PDZD2: variants seen among roughly 807,000 people sequenced by gnomAD.
The protein encoded by PDZD2 is PDZ domain-containing protein 2.
Under a neutral mutation model 220.7 loss-of-function variants are expected in PDZD2, and 90 were observed. The ratio of observed to expected loss-of-function variants is 0.41; its 90% CI spans 0.34 to 0.49. The LOEUF is 0.49. Ranked by LOEUF, PDZD2 falls within the 20% of genes least tolerant of loss-of-function variation. The pLI is 0.28. For missense variants in PDZD2, 3,174 were observed against 3,608.5 expected (o/e 0.88, Z 3.08); for synonymous variants, 1,375 against 1,450.5 (o/e 0.95, Z 1.18).
At position 31,737,363 on chromosome 5, in the gene PDZD2, G is replaced by A. The variant is rs564226609; in HGVS notation, c.-360-61526G>A. On this transcript the variant is annotated intron_variant, in intron 1 of 24. Transcript: ENST00000438447. ...AATTTGTTGTATTTTTAGTAGAGAT[G>A]GGGTTTCACCGTGTTAGCCAGGATG... Among the ~76,000 whole-genome samples, 11 of 115,744 alleles carry A rather than the reference G, an allele frequency of 9.5e-5. 1 individual carries two copies. The highest frequency in any genetic ancestry group is 9.1e-3 in the Middle Eastern group (2 of 220). 75.9% of individuals were successfully genotyped at this position (115,744 alleles called of 152,430 possible).
Position 31,646,292 on chromosome 5 carries a change from T to C in PDZD2, c.-361+6855T>C, listed in dbSNP as rs1301606338. 6.6e-6 allele frequency among the ~76,000 whole-genome samples: 1 copy of C among 152,118 alleles called. No homozygotes were observed. The highest frequency in any genetic ancestry group is 2.1e-4 in the South Asian group (1 of 4,824). Reference sequence around the variant, plus strand: ...TTGGGGTAGCCATAATATCTTGGGTTGGTGGGTACAAGTTTGAACACCTAG... The same window carrying C: ...TTGGGGTAGCCATAATATCTTGGGTCGGTGGGTACAAGTTTGAACACCTAG... On this transcript the variant is annotated intron_variant, in intron 1 of 24. Coordinates refer to ENST00000438447, the MANE Select transcript of PDZD2 (RefSeq NM_178140.4). The surrounding 1 kb of genome is among the most constrained non-coding windows in gnomAD (Gnocchi z 4.7).
At chr5:31,966,214 G>C (rs1310104568) in intron 2 of PDZD2, among the ~76,000 whole-genome samples, 1 of 152,108 alleles carries the variant, frequency 6.6e-6, no homozygotes, top group Non-Finnish European at 1.5e-5. Flanking sequence ...TTCTACCTTG[G>C]TAGGGTTGTT....
At chr5:31,900,901 G>C (rs1742036899) in intron 2 of PDZD2, among the ~76,000 whole-genome samples, 1 of 152,098 alleles carries the variant, frequency 6.6e-6, no homozygotes, top group South Asian at 2.1e-4. Flanking sequence ...AAAGGATTTT[G>C]CTGATAAATT....
At chr5:31,951,017 G>A (rs1747129064) in intron 2 of PDZD2, among the ~76,000 whole-genome samples, 1 of 152,156 alleles carries the variant, frequency 6.6e-6, no homozygotes, top group Admixed American at 6.6e-5. Flanking sequence ...CCTTCTTGCT[G>A]TACCTGCACA....
At chr5:31,897,632 A>G (rs945872334) in intron 2 of PDZD2, among the ~76,000 whole-genome samples, 2 of 152,314 alleles carry the variant, frequency 1.3e-5, no homozygotes, top group Admixed American at 6.5e-5. Context: ...AAGAAGTAGC[A>G]TGCAGAAAGT....
At chr5:32,001,888 A>G (rs931890503) in intron 5 of PDZD2, among the ~76,000 whole-genome samples, 5 of 152,194 alleles carry the variant, frequency 3.3e-5, no homozygotes, top group African/African-American at 1.2e-4. Context: ...TATGTGACCG[A>G]GGAACTGGTG....
intron 1 of PDZD2, among the ~76,000 whole-genome samples, chr5:31,752,069 G>GTTTTTTTTTTTTTTTTTTTTT (rs1491302993): frequency 1.0e-5 from 1 of 95,858 alleles, no homozygotes; most frequent in Non-Finnish European, 1.9e-5. Flanking sequence ...ATTGTTTTGG[G>GTTTTTTTTTTTTTTTTTTTTT]TTTGTTTTTT....
rs543844783 is a variant in PDZD2 at position 32,083,783 on chromosome 5, TCTC to T, written c.3683-3345_3683-3343del. On this transcript the variant is annotated intron_variant, in intron 19 of 24. Transcript: ENST00000438447. This position sits in a 1 kb window ranked among gnomAD's most constrained non-coding sequence, Gnocchi z 4.1. ...CCTCCGCCTCCCAGGTTCAGGCAGT[TCTC>T]CTGCCTCAGCCTCCCAAGCAGCTGG... Among the ~76,000 whole-genome samples, 242 of 152,090 alleles carry T rather than the reference TCTC, an allele frequency of 1.6e-3. 2 individuals are homozygous for T. The highest frequency in any genetic ancestry group is 5.2e-3 in the African/African-American group (216 of 41,490).
At chr5:32,019,638 C>T (rs550154402) in intron 6 of PDZD2, among the ~76,000 whole-genome samples, 2 of 152,168 alleles carry the variant, frequency 1.3e-5, no homozygotes, top group South Asian at 4.2e-4. Flanking sequence ...GCTTCTCAGC[C>T]TAGAAAGACT....
At chr5:31,949,524 C>T (rs967270089) in intron 2 of PDZD2, among the ~76,000 whole-genome samples, 2 of 152,128 alleles carry the variant, frequency 1.3e-5, no homozygotes, top group Non-Finnish European at 2.9e-5. Context: ...AAGTGGTCTA[C>T]CCCATTCTTC....
At chr5:32,075,040 G>A (rs189898836) in intron 18 of PDZD2, among the ~76,000 whole-genome samples, 8 of 152,214 alleles carry the variant, frequency 5.3e-5, no homozygotes, top group Admixed American at 1.3e-4. Context: ...TCGAACTCCT[G>A]GCCTCAGGTG....
chr5:31,789,704 G>T (rs549687265), intron 1 of PDZD2, among the ~76,000 whole-genome samples: 6 of 152,166 alleles, frequency 3.9e-5, no homozygotes, highest in Non-Finnish European at 8.8e-5. Flanking sequence ...CGAGGCATCC[G>T]AGTCAGGAGT....
At chr5:31,701,918 C>T (rs963061670) in intron 1 of PDZD2, among the ~76,000 whole-genome samples, 8 of 152,202 alleles carry the variant, frequency 5.3e-5, no homozygotes, top group Non-Finnish European at 8.8e-5. Flanking sequence ...AGGTTCCCTC[C>T]CTGCTTTCCC....
At position 32,002,392 on chromosome 5, in the gene PDZD2, G is replaced by A. The variant is rs546503751; in HGVS notation, c.1254+2121G>A. Among the ~76,000 whole-genome samples the A allele has an allele frequency of 3.6e-4, 55 of 152,166 alleles. 1 individual carries two copies. Among genetic ancestry groups the A allele is most frequent in the Admixed American group, 3.4e-3 (52 of 15,280 alleles). Reference sequence around the variant, plus strand: ...CTCCCTGCATGTCTTCACCCAGAGCGTCTGCCTGTGGGCTGTCTGTAGCCC... The same window carrying A: ...CTCCCTGCATGTCTTCACCCAGAGCATCTGCCTGTGGGCTGTCTGTAGCCC... On this transcript the variant is annotated intron_variant, in intron 5 of 24. Transcript: ENST00000438447.
chr5:31,922,042 C>A (rs557446324), intron 2 of PDZD2, among the ~76,000 whole-genome samples: 1 of 152,230 alleles, frequency 6.6e-6, no homozygotes, highest in South Asian at 2.1e-4. Context: ...CTGGAAGTCA[C>A]CATTGCCTGA....
chr5:31,860,171 T>A (rs1295531329), intron 2 of PDZD2, among the ~76,000 whole-genome samples: 1 of 152,128 alleles, frequency 6.6e-6, no homozygotes, highest in African/African-American at 2.4e-5. Flanking sequence ...CACCTGTTTT[T>A]TCGCCCCTGC....
intron 2 of PDZD2, among the ~76,000 whole-genome samples, chr5:31,801,668 G>T (rs1414991829): frequency 2.0e-5 from 3 of 152,176 alleles, no homozygotes; most frequent in African/African-American, 4.8e-5. Context: ...CTAGCTGGTT[G>T]ATCTTGGGAA....
intron 2 of PDZD2, among the ~76,000 whole-genome samples, chr5:31,977,567 T>C (rs1017644601): frequency 6.6e-6 from 1 of 152,170 alleles, no homozygotes; most frequent in Non-Finnish European, 1.5e-5. Flanking sequence ...TCCAGAATTA[T>C]GATAGAGCAT....
At chr5:31,756,394 T>G (rs1237918332) in intron 1 of PDZD2, among the ~76,000 whole-genome samples, 1 of 152,204 alleles carries the variant, frequency 6.6e-6, no homozygotes, top group Non-Finnish European at 1.5e-5. Context: ...CAATGCGTAT[T>G]CTTATTCATT....
Sources: allele counts gnomAD v4.1 joint callset (sites outside exome capture counted in the v4.1 genomes callset), GRCh38; gene constraint gnomAD v4.1.1; non-coding constraint Gnocchi (gnomAD v3.1); transcripts MANE v1.5; gene names NCBI Gene and HGNC (gene_info 2026-07-23, HGNC 2026-07-21).